LMBRD1: variants seen among roughly 807,000 people sequenced by gnomAD.
LMBRD1 encodes the protein lysosomal cobalamin transport escort protein LMBD1.
LMBRD1 carries 64 observed loss-of-function variants against 74.8 expected under a neutral mutation model. The ratio of observed to expected loss-of-function variants is 0.86; its 90% CI spans 0.70 to 1.05. LMBRD1 has a LOEUF of 1.05. Among genes scored for constraint, LMBRD1 ranks in the 50% least tolerant of loss-of-function variants. LMBRD1 has a pLI of 0.00. For synonymous variants in LMBRD1, 204 were observed against 216.3 expected (o/e 0.94, Z 0.50); for missense variants, 652 against 645.9 (o/e 1.01, Z -0.10).
rs1265729628 is a variant in LMBRD1 at position 69,796,798 on chromosome 6, A to G, written c.69+15T>C. The G allele has an allele frequency of 1.9e-6, 3 of 1,612,194 alleles. No homozygotes were observed. Among genetic ancestry groups the G allele is most frequent in the African/African-American group, 1.3e-5 (1 of 74,786 alleles). ...CCAGTCCAAACATGGGGAAAACTCC[A>G]AGCGCCTCCCCTACCAGTAGTAAGA... On this transcript the variant is annotated intron_variant, in intron 1 of 15. Coordinates refer to ENST00000649934, the MANE Select transcript of LMBRD1 (RefSeq NM_018368.4).
At chr6:69,719,104 G>A in intron 7 of LMBRD1, 23 bp from the exon 8 acceptor site, 1 of 1,605,540 alleles carries the variant, frequency 6.2e-7, no homozygotes, top group Non-Finnish European at 8.5e-7. Context: ...CAATTGAAAT[G>A]TTTTAGAAAT....
In LMBRD1 at chr6:69,768,499, T is replaced by A. The variant is rs142104979; in HGVS notation, c.307+11995A>T. ...CTCCAAAATAGCTCTAATACTTCTT[T>A]TTCTTTGTGCCATTCCCATCATATA... On this transcript the variant is annotated intron_variant, in intron 3 of 15. Coordinates refer to ENST00000649934, the MANE Select transcript of LMBRD1 (RefSeq NM_018368.4). Among the ~76,000 whole-genome samples the A allele has an allele frequency of 1.3e-4, 20 of 152,122 alleles. No homozygotes were observed. The East Asian group carries it at 3.7e-3, about 28-fold the overall frequency.
rs1428500092 is a variant in LMBRD1, at chr6:69,699,139, G to T, written c.1242C>A (p.Cys414Ter). Reference sequence around the variant, plus strand: ...GAAGGACAATAAGCAGAAGTATCATGCAGAGAAAAAGGAGTGCTTGGGGCC... The same window carrying T: ...GAAGGACAATAAGCAGAAGTATCATTCAGAGAAAAAGGAGTGCTTGGGGCC... ...RTRPQALLFL[C>*]MILLLIVLHT... The change falls in exon 13 of 16, where the codon TGC becomes TGA. Residue 414 changes from cysteine (C) to a stop codon, truncating the protein, a stop_gained. Coordinates refer to ENST00000649934, the MANE Select transcript of LMBRD1 (RefSeq NM_018368.4). LOFTEE classifies it high-confidence loss of function. The T allele has an allele frequency of 6.2e-7, 1 of 1,611,074 alleles. No individual in the cohort carries two copies. Among genetic ancestry groups the T allele is most frequent in the Admixed American group, 1.7e-5 (1 of 59,926 alleles).
chr6:69,723,728 TCAAA>T (rs1439751208), intron 7 of LMBRD1, among the ~76,000 whole-genome samples: 3 of 150,502 alleles, frequency 2.0e-5, no homozygotes, highest in Admixed American at 2.0e-4. Flanking sequence ...AAGAAAAACT[TCAAA>T]CAAATACTGT....
Position 69,728,310 on chromosome 6 carries a change from C to T in LMBRD1, c.637-9229G>A, listed in dbSNP as rs182524730. On this transcript the variant is annotated intron_variant, in intron 7 of 15. Coordinates refer to ENST00000649934, the MANE Select transcript of LMBRD1 (RefSeq NM_018368.4). ...TCCAATCACTTCCCACCAGGCCACA[C>T]CGCCGACACTCGGGATCACAATTCA... Among the ~76,000 whole-genome samples the T allele has an allele frequency of 2.0e-3, 298 of 152,276 alleles. 1 individual carries two copies. Among genetic ancestry groups the T allele is most frequent in the South Asian group, 7.3e-3 (35 of 4,824 alleles).
At chr6:69,770,055 T>C in intron 3 of LMBRD1, among the ~76,000 whole-genome samples, 1 of 152,146 alleles carries the variant, frequency 6.6e-6, no homozygotes, top group African/African-American at 2.4e-5. Context: ...TTGGGCCCTC[T>C]CCAGTCTCCA....
At chr6:69,796,729 G>T in intron 1 of LMBRD1, 84 bp downstream of exon 1, 1 of 1,294,142 alleles carries the variant, frequency 7.7e-7, no homozygotes, top group South Asian at 1.2e-5. Flanking sequence ...GGGTCTCCGG[G>T]GCCCGGAGAG....
At chr6:69,779,185 CAAA>C (rs11397050) in intron 3 of LMBRD1, among the ~76,000 whole-genome samples, 1 of 100,144 alleles carries the variant, frequency 1.0e-5, no homozygotes. Flanking sequence ...GACTCAGTCT[CAAA>C]AAAAAAAAAA....
At chr6:69,734,437 C>A (rs945218122) in intron 7 of LMBRD1, among the ~76,000 whole-genome samples, 3 of 151,878 alleles carry the variant, frequency 2.0e-5, no homozygotes, top group African/African-American at 7.3e-5. Flanking sequence ...CTCTTGTCTC[C>A]CAGGCTGGAG....
At chr6:69,742,345 T>A (rs1207493425) in intron 5 of LMBRD1, among the ~76,000 whole-genome samples, 1 of 152,146 alleles carries the variant, frequency 6.6e-6, no homozygotes. Flanking sequence ...GATTATTACT[T>A]TCTTATTAGT....
At chr6:69,792,999 T>C (rs1766119726) in intron 1 of LMBRD1, among the ~76,000 whole-genome samples, 1 of 152,184 alleles carries the variant, frequency 6.6e-6, no homozygotes, top group African/African-American at 2.4e-5. Context: ...ATTACTACAA[T>C]ATAAAATAAA....
intron 14 of LMBRD1, 32 bp from the exon 15 acceptor site, chr6:69,676,573 T>C (rs1372425839): frequency 2.0e-6 from 3 of 1,482,944 alleles, no homozygotes; most frequent in South Asian, 2.3e-5. Context: ...TATGGTGAGA[T>C]AGGTTCTTTC....
At chr6:69,768,881 G>A (rs1765523103) in intron 3 of LMBRD1, among the ~76,000 whole-genome samples, 1 of 151,574 alleles carries the variant, frequency 6.6e-6, no homozygotes, top group Admixed American at 6.6e-5. Flanking sequence ...AGTGCCCTCT[G>A]GTGTCCACTA....
At chr6:69,695,298 T>C (rs1164147471) in intron 14 of LMBRD1, among the ~76,000 whole-genome samples, 3 of 152,160 alleles carry the variant, frequency 2.0e-5, no homozygotes, top group Non-Finnish European at 4.4e-5. Flanking sequence ...ATGGAATTAA[T>C]TTTTATCTCT....
chr6:69,752,702 A>C (rs1190656028), intron 3 of LMBRD1, among the ~76,000 whole-genome samples: 1 of 152,204 alleles, frequency 6.6e-6, no homozygotes. Context: ...ATCCCATTTA[A>C]ATGAACTTTA....
intron 9 of LMBRD1, among the ~76,000 whole-genome samples, chr6:69,707,483 G>C (rs1766285329): frequency 3.3e-5 from 5 of 151,982 alleles, no homozygotes; most frequent in Admixed American, 3.3e-4. Flanking sequence ...GGTGTATTTT[G>C]GCTTGAATTC....
chr6:69,715,283 T>C (rs1766464915), intron 8 of LMBRD1, among the ~76,000 whole-genome samples: 1 of 152,060 alleles, frequency 6.6e-6, no homozygotes, highest in African/African-American at 2.4e-5. Context: ...TTTGTCTCAA[T>C]GCTGGCGTTC....
chr6:69,728,185 G>A (rs1221936344), intron 7 of LMBRD1, among the ~76,000 whole-genome samples: 1 of 152,084 alleles, frequency 6.6e-6, no homozygotes, highest in African/African-American at 2.4e-5. Context: ...GAGTGAAGTG[G>A]GAGGTGCTAC....
intron 14 of LMBRD1, among the ~76,000 whole-genome samples, chr6:69,685,387 A>AGGG (rs1254212837): frequency 1.3e-5 from 2 of 152,194 alleles, no homozygotes; most frequent in African/African-American, 4.8e-5. Context: ...AGATGATGTG[A>AGGG]GGGGAGCACT....
Sources: allele counts gnomAD v4.1 joint callset (sites outside exome capture counted in the v4.1 genomes callset), GRCh38; gene constraint gnomAD v4.1.1; transcripts MANE v1.5; gene names NCBI Gene and HGNC (gene_info 2026-07-23, HGNC 2026-07-21).